FANCI: variants seen among roughly 807,000 people sequenced by gnomAD.
FANCI encodes the protein FA complementation group I.
A neutral mutation model predicts 176.1 loss-of-function variants in FANCI; 156 were observed. That is an observed-to-expected ratio of 0.89 (90% CI 0.78 to 1.01). The LOEUF is 1.01. FANCI is among the 50% of genes least tolerant of loss of function. FANCI has a pLI of 0.00. For missense variants in FANCI, 1,678 were observed against 1,534.1 expected (o/e 1.09, Z -1.57); for synonymous variants, 613 against 541.7 (o/e 1.13, Z -1.83).
At chr15:89,257,865 A>G (rs1320587567) in intron 2 of FANCI, among the ~76,000 whole-genome samples, 1 of 152,178 alleles carries the variant, frequency 6.6e-6, no homozygotes, top group East Asian at 1.9e-4. Context: ...CCCATAACTC[A>G]TTCTCCACAC....
Position 89,258,721 on chromosome 15 carries a change from G to T in FANCI, c.102G>T (p.Gln34His), listed in dbSNP as rs776378730. Residue 34 changes from glutamine to histidine, a missense_variant, in exon 3 of 38, where the codon CAG (glutamine) becomes CAT (histidine). This residue lies in a region of FANCI where 469 missense variants were observed against 436.9 expected (regional missense o/e 1.07). Coordinates refer to ENST00000310775, the MANE Select transcript of FANCI (RefSeq NM_001113378.2). ...LREGDLTNLL[Q>H]NQAVKGKVAG... ...CTTTGCAGTTGACTAATCTCCTTCA[G>T]AATCAAGCAGTGAAAGGAAAAGTTG... 1.9e-6 allele frequency: 3 copies of T among 1,613,602 alleles called. No individual in the cohort carries two copies. Among genetic ancestry groups the T allele is most frequent in the Non-Finnish European group, 2.5e-6 (3 of 1,179,614 alleles).
chr15:89,294,821 G>C, intron 23 of FANCI, 94 bp from the exon 24 acceptor site: 2 of 1,349,234 alleles, frequency 1.5e-6, no homozygotes, highest in Non-Finnish European at 1.0e-6. Flanking sequence ...GTTGGGTGCT[G>C]CTGTTCTGAA....
intron 9 of FANCI, among the ~76,000 whole-genome samples, chr15:89,267,833 G>A (rs1296298765): frequency 6.6e-6 from 1 of 152,080 alleles, no homozygotes; most frequent in Non-Finnish European, 1.5e-5. Context: ...AGGCTGAGGT[G>A]GGAGGATCGT....
At chr15:89,277,640 A>G (rs1438682093) in intron 13 of FANCI, among the ~76,000 whole-genome samples, 1 of 151,130 alleles carries the variant, frequency 6.6e-6, no homozygotes, top group South Asian at 2.1e-4. Flanking sequence ...AAAGAATCAT[A>G]CTTATTGGTT....
intron 34 of FANCI, chr15:89,308,059 G>C: frequency 8.8e-7 from 1 of 1,137,638 alleles, no homozygotes; most frequent in Non-Finnish European, 1.1e-6. Context: ...AGTGCAGTGA[G>C]GGCACTTTCA....
chr15:89,296,991 G>A lies in FANCI; in HGVS notation c.2636+1897G>A, dbSNP rs533693201. On this transcript the variant is annotated intron_variant, in intron 24 of 37. Transcript: ENST00000310775. ...GGCTGACCCCCCCCACCTCCCTCCC[G>A]GACGGGGCGGCTGGCCTGGCGGGGG... is the stretch of plus-strand genomic sequence containing the variant. Among the ~76,000 whole-genome samples the A allele has an allele frequency of 3.5e-3, 512 of 146,988 alleles. 5 individuals are homozygous for A. The highest frequency in any genetic ancestry group is 0.012 in the African/African-American group (476 of 38,798).
chr15:89,307,402 C>G, intron 32 of FANCI, 74 bp from the exon 33 acceptor site: 5 of 1,414,984 alleles, frequency 3.5e-6, no homozygotes, highest in Non-Finnish European at 4.9e-6. Flanking sequence ...GAGTCACACT[C>G]CATAGGCTCA....
At chr15:89,258,484 A>G (rs2052588560) in intron 2 of FANCI, among the ~76,000 whole-genome samples, 2 of 152,204 alleles carry the variant, frequency 1.3e-5, no homozygotes, top group African/African-American at 4.8e-5. Context: ...TAAGTTATAA[A>G]CATAAATGTT....
At chr15:89,270,883 A>G (rs1005300596) in intron 10 of FANCI, among the ~76,000 whole-genome samples, 1 of 152,138 alleles carries the variant, frequency 6.6e-6, no homozygotes, top group Non-Finnish European at 1.5e-5. Flanking sequence ...CCATGTCTCT[A>G]AAAAGCCCTG....
In FANCI at chr15:89,316,400, A is replaced by G; in HGVS notation, c.3928A>G (p.Thr1310Ala). 2 of 1,611,840 alleles carry G rather than the reference A, an allele frequency of 1.2e-6. No homozygotes were observed. The highest frequency in any genetic ancestry group is 1.1e-5 in the South Asian group (1 of 90,662). The change falls in exon 38 of 38, where the codon ACT becomes GCT. Residue 1310 changes from threonine to alanine, a missense_variant. This residue lies in a region of FANCI where 1,204 missense variants were observed against 1,077.4 expected (regional missense o/e 1.12). Coordinates refer to ENST00000310775, the MANE Select transcript of FANCI (RefSeq NM_001113378.2). ...EDGEDENEEGTASEHGGQNKE... is the reference protein window; with the variant it reads ...EDGEDENEEGAASEHGGQNKE... ...CATTAATTCTTTCCCCTTCTAGGGC[A>G]CTGCATCAGAGCATGGGGGACAGAA...
rs373749594 is a variant in FANCI, at chr15:89,264,509, G to A, written c.670-13G>A. ...TTAATTGGGAGACCTTACCAATTTT[G>A]TATTGTTTTCAGGGAAGCAGAAAGA... On this transcript the variant is annotated splice_polypyrimidine_tract_variant and intron_variant, in intron 8 of 37. Transcript: ENST00000310775. 19 of 1,612,322 alleles carry A rather than the reference G, an allele frequency of 1.2e-5. No homozygotes were observed. In the African/African-American group the frequency reaches 1.9e-4, roughly 16 times the overall value.
At chr15:89,273,248 G>A (rs2053267288) in intron 10 of FANCI, 129 bp from the exon 11 acceptor site, 2 of 623,984 alleles carry the variant, frequency 3.2e-6, no homozygotes, top group Non-Finnish European at 5.7e-6. Context: ...AGGCTGCAGT[G>A]AGCTATGATT....
At position 89,278,955 on chromosome 15, in the gene FANCI, T is replaced by C. The variant is rs3743376; in HGVS notation, c.1381+181T>C. Among the ~76,000 whole-genome samples the C allele has an allele frequency of 5.2e-4, 79 of 152,336 alleles. 3 individuals carry two copies. The East Asian group carries it at 0.015, about 29-fold the overall frequency. ...TGTCAGTTGTCAAAAAGGCTGTAGC[T>C]GTTAGTAAGGAAAGCAACAATTAAC... On this transcript the variant is annotated intron_variant, in intron 14 of 37. Coordinates refer to ENST00000310775, the MANE Select transcript of FANCI (RefSeq NM_001113378.2).
intron 2 of FANCI, among the ~76,000 whole-genome samples, chr15:89,256,459 C>T (rs750567979): frequency 4.6e-5 from 7 of 152,204 alleles, no homozygotes; most frequent in African/African-American, 7.2e-5. Context: ...ACACCAGCCT[C>T]ATGTACTTGT....
intron 34 of FANCI, chr15:89,308,060 G>C: frequency 8.8e-7 from 1 of 1,134,408 alleles, no homozygotes; most frequent in Non-Finnish European, 1.1e-6. Context: ...GTGCAGTGAG[G>C]GCACTTTCAG....
intron 2 of FANCI, among the ~76,000 whole-genome samples, chr15:89,254,208 A>G (rs1490121120): frequency 1.3e-5 from 2 of 152,080 alleles, no homozygotes; most frequent in Non-Finnish European, 2.9e-5. Context: ...AAAATAAATA[A>G]ATAAATTTTA....
chr15:89,305,437 A>G (rs1429592219), intron 30 of FANCI, 28 bp downstream of exon 30: 12 of 1,613,036 alleles, frequency 7.4e-6, no homozygotes, highest in Admixed American at 1.7e-5. Context: ...GCCATGGGGA[A>G]TAGCTTTGTC....
intron 13 of FANCI, 61 bp downstream of exon 13, chr15:89,276,952 G>T: frequency 1.3e-6 from 2 of 1,574,594 alleles, no homozygotes; most frequent in Non-Finnish European, 1.7e-6. Flanking sequence ...GTAGGGCTTG[G>T]CATTTGCCTG....
chr15:89,287,737 T>C lies in FANCI; in HGVS notation c.1822-2476T>C, dbSNP rs77639949. Among the ~76,000 whole-genome samples, 49 of 152,306 alleles carry C rather than the reference T, an allele frequency of 3.2e-4. No individual in the cohort carries two copies. The East Asian group carries it at 9.4e-3, about 29-fold the overall frequency. On this transcript the variant is annotated intron_variant, in intron 18 of 37. Coordinates refer to ENST00000310775, the MANE Select transcript of FANCI (RefSeq NM_001113378.2). ...TCATTGTAGGGGTTATTAATTGACC[T>C]AATTTCAATATTGTTTTGTCTCAGT...
Sources: allele counts gnomAD v4.1 joint callset (sites outside exome capture counted in the v4.1 genomes callset), GRCh38; gene constraint gnomAD v4.1.1; regional missense constraint gnomAD v4.1.1; transcripts MANE v1.5; gene names NCBI Gene and HGNC (gene_info 2026-07-23, HGNC 2026-07-21).